B3GLCT: variants seen among roughly 807,000 people sequenced by gnomAD.
B3GLCT encodes beta 3-glucosyltransferase, also known as beta-1,3-glucosyltransferase.
Under a neutral mutation model 63.4 loss-of-function variants are expected in B3GLCT, and 65 were observed. The ratio of observed to expected loss-of-function variants is 1.03; its 90% CI spans 0.84 to 1.26. B3GLCT has a LOEUF of 1.26. Ranked by LOEUF, B3GLCT falls within the 50% of genes most tolerant of loss-of-function variation. The probability of loss-of-function intolerance (pLI) is 0.00; values close to 1 mark genes in which losing one functional copy is unlikely to be tolerated. For synonymous variants in B3GLCT, 233 were observed against 219.2 expected, an observed-to-expected ratio of 1.06 and a Z score of -0.55; for missense variants, 577 against 604.8, an observed-to-expected ratio of 0.95 and a Z score of 0.48.
chr13:31,292,708 T>TC (rs902565018), intron 12 of B3GLCT, among the ~76,000 whole-genome samples: 12 of 151,832 alleles, frequency 7.9e-5, no homozygotes, highest in Admixed American at 7.9e-4. Flanking sequence ...TCTTTTTTTT[T>TC]TCTTTATTAG....
At position 31,207,048 on chromosome 13, in the gene B3GLCT, G is replaced by A. The variant is rs529123071; in HGVS notation, c.70+6894G>A. Among the ~76,000 whole-genome samples, 225 of 152,300 alleles carry A rather than the reference G, an allele frequency of 1.5e-3. 1 individual carries two copies. Among genetic ancestry groups the A allele is most frequent in the African/African-American group, 4.9e-3 (203 of 41,568 alleles). The stretch of plus-strand genomic sequence containing the variant: ...AAATAAGTTTCTAAAGGCTTAGAGC[G>A]TCTCAGATTGTGTGTACCATGGATT... On this transcript the variant is annotated intron_variant, in intron 1 of 14. Transcript: ENST00000343307.
intron 2 of B3GLCT, among the ~76,000 whole-genome samples, chr13:31,219,433 A>G (rs1448731181): frequency 6.6e-6 from 1 of 152,196 alleles, no homozygotes; most frequent in Non-Finnish European, 1.5e-5. Context: ...TGATGTGTGT[A>G]TTTGGCAATA....
intron 7 of B3GLCT, among the ~76,000 whole-genome samples, chr13:31,263,416 G>GA (rs1872139618): frequency 1.3e-5 from 2 of 152,170 alleles, no homozygotes; most frequent in African/African-American, 4.8e-5. Context: ...CCTATATAGG[G>GA]CAGTTCAACC....
At position 31,329,954 on chromosome 13, in the gene B3GLCT, T is replaced by G; in HGVS notation, c.*286T>G. 4.8e-6 allele frequency: 2 copies of G among 414,808 alleles called. 1 individual carries two copies. The highest frequency in any genetic ancestry group is 4.6e-5 in the South Asian group (2 of 43,554). The allele number at this position is 414,808 out of a possible 1,614,324, so 25.7% of individuals were successfully genotyped here. A position where few individuals can be genotyped will look rare whatever the true frequency, so the allele number is the denominator to read the frequency against. ...AAGCTGTGATACAGCAGTTTTTTTT[T>G]ATTGTCACAGGGAAATAAATGGTAC... On this transcript the variant is annotated 3_prime_UTR_variant, in exon 15 of 15. Transcript: ENST00000343307.
At chr13:31,249,911 T>C (rs1164001380) in intron 6 of B3GLCT, among the ~76,000 whole-genome samples, 1 of 152,240 alleles carries the variant, frequency 6.6e-6, no homozygotes, top group African/African-American at 2.4e-5. Context: ...TTAAAATAAT[T>C]ATGTAATGTG....
intron 4 of B3GLCT, among the ~76,000 whole-genome samples, chr13:31,231,462 A>G (rs540501977): frequency 1.6e-4 from 25 of 152,138 alleles, no homozygotes; most frequent in Non-Finnish European, 3.1e-4. Context: ...AATCCATACC[A>G]GTGGTCCTTT....
chr13:31,260,836 CTCTT>C, intron 6 of B3GLCT, 106 bp from the exon 7 acceptor site: 2 of 1,011,312 alleles, frequency 2.0e-6, no homozygotes, highest in Admixed American at 2.0e-5. Flanking sequence ...GTGCTAATAA[CTCTT>C]TATCACCCAA....
rs146361612 is a variant in B3GLCT, at chr13:31,325,088, T to C, written c.1329+1193T>C. ...TTAGCATGACAGAAATAGTATACTATAGAAAACAACTCGAATAAGACTAAG... is the reference window on the plus strand; with the variant it reads ...TTAGCATGACAGAAATAGTATACTACAGAAAACAACTCGAATAAGACTAAG... On this transcript the variant is annotated intron_variant, in intron 14 of 14. Coordinates refer to ENST00000343307, the MANE Select transcript of B3GLCT (RefSeq NM_194318.4). 6.0e-3 allele frequency among the ~76,000 whole-genome samples: 911 copies of C among 152,298 alleles called. 6 individuals are homozygous for C. Among genetic ancestry groups the C allele is most frequent in the African/African-American group, 0.02 (850 of 41,560 alleles).
At chr13:31,278,886 CTTG>C (rs540240298) in intron 10 of B3GLCT, among the ~76,000 whole-genome samples, 117 of 152,302 alleles carry the variant, frequency 7.7e-4, no homozygotes, top group African/African-American at 2.6e-3. Flanking sequence ...TTGTTATTCA[CTTG>C]TTGTGGAAAA....
chr13:31,302,098 TTAATTAACC>T (rs1466070250), intron 12 of B3GLCT, among the ~76,000 whole-genome samples: 2 of 152,222 alleles, frequency 1.3e-5, no homozygotes, highest in African/African-American at 4.8e-5. Flanking sequence ...CATTTTCTTG[TTAATTAACC>T]TAATGTCTTT....
At chr13:31,278,412 A>G (rs1872899624) in intron 10 of B3GLCT, among the ~76,000 whole-genome samples, 1 of 152,200 alleles carries the variant, frequency 6.6e-6, no homozygotes, top group African/African-American at 2.4e-5. Context: ...AAAAGTCTTT[A>G]AAAATTACAA....
intron 3 of B3GLCT, 137 bp downstream of exon 3, chr13:31,223,128 C>T (rs987724738): frequency 1.5e-6 from 1 of 665,336 alleles, no homozygotes; most frequent in Non-Finnish European, 2.6e-6. Flanking sequence ...TTTGGCCCAG[C>T]CTAACGTTTG....
At chr13:31,300,286 G>A (rs1874159272) in intron 12 of B3GLCT, among the ~76,000 whole-genome samples, 1 of 152,116 alleles carries the variant, frequency 6.6e-6, no homozygotes, top group Admixed American at 6.5e-5. Context: ...TTTGATAATG[G>A]AATGGGCATT....
chr13:31,204,658 G>A (rs1200656987), intron 1 of B3GLCT, among the ~76,000 whole-genome samples: 1 of 152,146 alleles, frequency 6.6e-6, no homozygotes, highest in Non-Finnish European at 1.5e-5. Flanking sequence ...CTGTAGTGGG[G>A]CAGTATGTGA....
chr13:31,249,833 C>T (rs1871347942), intron 6 of B3GLCT, among the ~76,000 whole-genome samples: 1 of 151,974 alleles, frequency 6.6e-6, no homozygotes, highest in African/African-American at 2.4e-5. Flanking sequence ...TTGTCCTCTA[C>T]CATTTGAAGG....
At chr13:31,266,038 C>T (rs779960058) in intron 7 of B3GLCT, among the ~76,000 whole-genome samples, 3 of 151,788 alleles carry the variant, frequency 2.0e-5, no homozygotes, top group Non-Finnish European at 2.9e-5. Flanking sequence ...CTCGCTCTGT[C>T]GCCCAGGCTG....
At chr13:31,225,067 C>T (rs1313328926) in intron 3 of B3GLCT, among the ~76,000 whole-genome samples, 1 of 152,236 alleles carries the variant, frequency 6.6e-6, no homozygotes, top group Non-Finnish European at 1.5e-5. Flanking sequence ...TTGGCTTTGG[C>T]ATTGCATTGG....
chr13:31,222,020 A>G (rs1316022080), intron 2 of B3GLCT, among the ~76,000 whole-genome samples: 3 of 150,968 alleles, frequency 2.0e-5, no homozygotes, highest in African/African-American at 7.3e-5. Flanking sequence ...GCCCACATCC[A>G]GATTTCTGTG....
At chr13:31,316,169 C>T (rs950842341) in intron 12 of B3GLCT, among the ~76,000 whole-genome samples, 4 of 151,884 alleles carry the variant, frequency 2.6e-5, no homozygotes, top group Non-Finnish European at 4.4e-5. Context: ...TGGGACACTG[C>T]CTAGTGGAGC....
Sources: allele counts gnomAD v4.1 joint callset (sites outside exome capture counted in the v4.1 genomes callset), GRCh38; gene constraint gnomAD v4.1.1; transcripts MANE v1.5; gene names NCBI Gene and HGNC (gene_info 2026-07-23, HGNC 2026-07-21).